The following JAM3 variants were observed in gnomAD, a reference collection of about 807,000 sequenced individuals.
The protein encoded by JAM3 is junctional adhesion molecule 3.
Under a neutral mutation model 39.4 loss-of-function variants are expected in JAM3, and 31 were observed. The observed-to-expected ratio is 0.79, with a 90% CI of 0.59 to 1.06. The LOEUF (loss-of-function observed/expected upper bound fraction) is 1.06, where lower values mean the gene tolerates loss of function less well. Ranked by LOEUF, JAM3 falls within the 50% of genes least tolerant of loss-of-function variation. The pLI is 0.00. For missense variants in JAM3, 455 were observed against 391.4 expected (o/e 1.16, Z -1.37); for synonymous variants, 182 against 148.7 (o/e 1.22, Z -1.63).
intron 6 of JAM3, among the ~76,000 whole-genome samples, chr11:134,146,446 G>T (rs1319679864): frequency 6.6e-6 from 1 of 152,076 alleles, no homozygotes; most frequent in Non-Finnish European, 1.5e-5. Flanking sequence ...TGCAGACAAA[G>T]CTTAGCCCCT....
intron 1 of JAM3, among the ~76,000 whole-genome samples, chr11:134,132,877 T>C (rs74726789): frequency 0.048 from 7,240 of 152,216 alleles, 646 homozygotes; most frequent in African/African-American, 0.16. Flanking sequence ...TCATTTATAG[T>C]TTAGGTTTTC....
intron 1 of JAM3, among the ~76,000 whole-genome samples, chr11:134,118,888 A>G (rs1942485237): frequency 2.6e-5 from 4 of 151,486 alleles, no homozygotes; most frequent in Admixed American, 2.6e-4. Context: ...TTCTTCGAAC[A>G]CTTCTATTTA....
At chr11:134,093,126 CCCT>C (rs1242405575) in intron 1 of JAM3, among the ~76,000 whole-genome samples, 1 of 124,890 alleles carries the variant, frequency 8.0e-6, no homozygotes, top group East Asian at 3.0e-4. Context: ...TTCTCCTGAG[CCCT>C]CTTTATTCAT....
At chr11:134,133,376 G>T (rs924232254) in intron 1 of JAM3, among the ~76,000 whole-genome samples, 2 of 152,110 alleles carry the variant, frequency 1.3e-5, no homozygotes, top group African/African-American at 2.4e-5. Flanking sequence ...GTTCCTGATT[G>T]TAGGGGAAAA....
chr11:134,150,951 C>T lies in JAM3; in HGVS notation c.*1770C>T, dbSNP rs944155738. The stretch of plus-strand genomic sequence containing the variant: ...CTAATTTTGACTTTAAATTTTTCAT[C>T]CGCCGGAGACACTGCTCCCATTTGT... On this transcript the variant is annotated 3_prime_UTR_variant, in exon 9 of 9. Coordinates refer to ENST00000299106, the MANE Select transcript of JAM3 (RefSeq NM_032801.5). The T allele has an allele frequency of 2.0e-5, 3 of 152,170 alleles. No homozygotes were observed. Among genetic ancestry groups the T allele is most frequent in the African/African-American group, 2.4e-5 (1 of 41,438 alleles). 9.4% of individuals were successfully genotyped at this position (152,170 alleles called of 1,614,324 possible).
At chr11:134,111,324 A>G (rs1172686682) in intron 1 of JAM3, among the ~76,000 whole-genome samples, 1 of 151,274 alleles carries the variant, frequency 6.6e-6, no homozygotes, top group Non-Finnish European at 1.5e-5. Context: ...TTTGTTTTTT[A>G]GTAGAGACAG....
intron 1 of JAM3, among the ~76,000 whole-genome samples, chr11:134,096,428 A>G (rs1941984755): frequency 6.6e-6 from 1 of 152,224 alleles, no homozygotes; most frequent in South Asian, 2.1e-4. Context: ...GGTTGAGACA[A>G]ACAATAAGGC....
intron 1 of JAM3, among the ~76,000 whole-genome samples, chr11:134,135,717 T>C (rs966616346): frequency 5.3e-5 from 8 of 151,988 alleles, no homozygotes; most frequent in Non-Finnish European, 7.4e-5. Context: ...ATCTATCTTA[T>C]TCATGTATTA....
At chr11:134,145,205 C>T in intron 5 of JAM3, 1 of 608,366 alleles carries the variant, frequency 1.6e-6, no homozygotes, top group Admixed American at 2.8e-5. Flanking sequence ...GAGAAAGAAA[C>T]CATAGATTGA....
rs147212249 is a variant in JAM3 at position 134,096,369 on chromosome 11, T to A, written c.76+27210T>A. On this transcript the variant is annotated intron_variant, in intron 1 of 8. Transcript: ENST00000299106. ...GGATTCTCTGATCATCTTCTTGGTC[T>A]GTTCACTTCCATCCAGAAGGCCTGG... is the stretch of plus-strand genomic sequence containing the variant. Among the ~76,000 whole-genome samples the A allele has an allele frequency of 1.1e-3, 174 of 152,358 alleles. 1 individual carries two copies. In the East Asian group the frequency reaches 0.032, roughly 28 times the overall value.
intron 1 of JAM3, among the ~76,000 whole-genome samples, chr11:134,119,442 A>G (rs1242851616): frequency 6.6e-6 from 1 of 152,268 alleles, no homozygotes. Flanking sequence ...TCTTTTAAGA[A>G]GTGCCATTGC....
At chr11:134,138,636 G>T (rs1295890039) in intron 1 of JAM3, among the ~76,000 whole-genome samples, 6 of 152,228 alleles carry the variant, frequency 3.9e-5, no homozygotes, top group African/African-American at 1.4e-4. Flanking sequence ...CACATGCATG[G>T]TATGTATTTC....
At chr11:134,084,028 G>A (rs774322221) in intron 1 of JAM3, among the ~76,000 whole-genome samples, 2 of 152,118 alleles carry the variant, frequency 1.3e-5, no homozygotes, top group Non-Finnish European at 2.9e-5. Flanking sequence ...GAGAAAATTG[G>A]TCATAAGACT....
rs773637055 is a variant in JAM3, at chr11:134,140,788, T to A, written c.256+18T>A. 1.4e-5 allele frequency: 22 copies of A among 1,603,004 alleles called. No homozygotes were observed. In the South Asian group the frequency reaches 2.4e-4, roughly 17 times the overall value. ...AATTCAGGGTATGATCCTGTAGTCC[T>A]CTTGCCTGCTGACCTTTCCTCTGTC... is the stretch of plus-strand genomic sequence containing the variant. On this transcript the variant is annotated intron_variant, in intron 3 of 8. Transcript: ENST00000299106.
intron 1 of JAM3, among the ~76,000 whole-genome samples, chr11:134,080,623 G>C (rs947820628): frequency 3.3e-5 from 5 of 152,098 alleles, no homozygotes; most frequent in Non-Finnish European, 5.9e-5. Flanking sequence ...TGATTGTGAG[G>C]CCTCCCCAAC....
At chr11:134,102,157 A>G (rs947728331) in intron 1 of JAM3, among the ~76,000 whole-genome samples, 7 of 152,234 alleles carry the variant, frequency 4.6e-5, no homozygotes, top group Admixed American at 2.6e-4. Flanking sequence ...AACATACCCA[A>G]CGTAGCATGG....
chr11:134,109,376 T>C (rs1565491714), intron 1 of JAM3, among the ~76,000 whole-genome samples: 1 of 152,222 alleles, frequency 6.6e-6, no homozygotes, highest in Non-Finnish European at 1.5e-5. Context: ...ATATCTTTAT[T>C]TGCAGAGGAC....
intron 1 of JAM3, among the ~76,000 whole-genome samples, chr11:134,099,458 C>T (rs1942036890): frequency 6.6e-6 from 1 of 152,150 alleles, no homozygotes; most frequent in Admixed American, 6.5e-5. Context: ...CACTGTCTCG[C>T]CCTCTCTCTG....
At chr11:134,107,299 A>G (rs1591786218) in intron 1 of JAM3, among the ~76,000 whole-genome samples, 1 of 152,262 alleles carries the variant, frequency 6.6e-6, no homozygotes, top group East Asian at 1.9e-4. Context: ...ACTTGGACAC[A>G]GGAAGGGGAA....
Sources: gnomAD v4.1 joint callset for allele counts (sites outside exome capture counted in the v4.1 genomes callset) on GRCh38, gnomAD v4.1.1 for gene constraint, MANE v1.5 for transcripts, NCBI Gene and HGNC (gene_info 2026-07-23, HGNC 2026-07-21) for gene names.